The following GMPR variants were observed in gnomAD, a reference collection of about 807,000 sequenced individuals.
GMPR encodes the protein GMP reductase 1.
A neutral mutation model predicts 38.4 loss-of-function variants in GMPR; 31 were observed. That is an observed-to-expected ratio of 0.81 (90% CI 0.61 to 1.09). GMPR has a LOEUF of 1.09. Ranked by LOEUF, GMPR falls within the 50% of genes least tolerant of loss-of-function variation. The pLI is 0.00. For missense variants in GMPR, 468 were observed against 453.7 expected (o/e 1.03, Z -0.29); for synonymous variants, 162 against 173.3 (o/e 0.93, Z 0.51).
chr6:16,240,646 T>C (rs1758630070), intron 1 of GMPR, among the ~76,000 whole-genome samples: 1 of 152,192 alleles, frequency 6.6e-6, no homozygotes, highest in Non-Finnish European at 1.5e-5. Context: ...ATGAAATTTA[T>C]GTAATAGAAT....
chr6:16,274,346 T>G (rs1278666627), intron 4 of GMPR, 69 bp from the exon 5 acceptor site: 1 of 962,004 alleles, frequency 1.0e-6, no homozygotes, highest in Non-Finnish European at 1.7e-6. Context: ...CGTGTTCAGG[T>G]GTGGGGTTCC....
intron 3 of GMPR, among the ~76,000 whole-genome samples, chr6:16,251,298 C>T (rs956914858): frequency 3.3e-5 from 5 of 152,296 alleles, no homozygotes; most frequent in Non-Finnish European, 5.9e-5. Context: ...CAGCCCGGCG[C>T]GGTGGCTCAC....
intron 2 of GMPR, among the ~76,000 whole-genome samples, chr6:16,249,607 G>A (rs1017919632): frequency 6.6e-6 from 1 of 152,214 alleles, no homozygotes; most frequent in African/African-American, 2.4e-5. Context: ...ACAGGCGTAA[G>A]CCACCATGCC....
chr6:16,285,856 A>AGAGGGAGGGAAGGAAG (rs753776831), intron 7 of GMPR, 21 bp downstream of exon 7: 6 of 1,595,946 alleles, frequency 3.8e-6, no homozygotes, highest in African/African-American at 1.3e-5. Flanking sequence ...GCCCTGGTGC[A>AGAGGGAGGGAAGGAAG]GAGGGAGGGA....
chr6:16,245,222 C>T (rs146026556), intron 1 of GMPR, among the ~76,000 whole-genome samples: 3 of 152,230 alleles, frequency 2.0e-5, no homozygotes, highest in East Asian at 3.9e-4. Context: ...CGTGCCACTG[C>T]GTAGGTTCGT....
rs569594520 is a variant in GMPR at position 16,284,374 on chromosome 6, A to G, written c.655-1419A>G. ...GGGTCATCCCATTTCCCTGCTCTCC[A>G]ACTCCAGAGGTGTGTGCACTTTCCT... is the stretch of plus-strand genomic sequence containing the variant. On this transcript the variant is annotated intron_variant, in intron 6 of 8. Coordinates refer to ENST00000259727, the MANE Select transcript of GMPR (RefSeq NM_006877.4). 7.2e-5 allele frequency among the ~76,000 whole-genome samples: 11 copies of G among 152,290 alleles called. No homozygotes were observed. The East Asian group carries it at 1.5e-3, about 21-fold the overall frequency.
At chr6:16,278,763 A>C in intron 5 of GMPR, 21 bp from the exon 6 acceptor site, 1 of 1,544,942 alleles carries the variant, frequency 6.5e-7, no homozygotes, top group Middle Eastern at 1.7e-4. Context: ...CTATTTGGGG[A>C]CAACTTCTTT....
At chr6:16,285,329 C>T (rs996524334) in intron 6 of GMPR, among the ~76,000 whole-genome samples, 25 of 152,240 alleles carry the variant, frequency 1.6e-4, no homozygotes, top group Non-Finnish European at 4.4e-5. Flanking sequence ...TTTCTTGGCT[C>T]TTACAAGAAT....
At chr6:16,277,875 T>C (rs1322306825) in intron 5 of GMPR, among the ~76,000 whole-genome samples, 1 of 151,868 alleles carries the variant, frequency 6.6e-6, no homozygotes, top group African/African-American at 2.4e-5. Context: ...ACTTGCCCCA[T>C]TGGAGAAGCA....
rs138049304 is a variant in GMPR, at chr6:16,254,756, C to T, written c.465+21C>T. 328 of 1,573,366 alleles carry T rather than the reference C, an allele frequency of 2.1e-4. 2 individuals carry two copies. In the East Asian group the frequency reaches 6.8e-3, roughly 32 times the overall value. On this transcript the variant is annotated intron_variant, in intron 4 of 8. Coordinates refer to ENST00000259727, the MANE Select transcript of GMPR (RefSeq NM_006877.4). ...TTATGGTAAGTACGGTAGAACATTA[C>T]GGTAGAACATTCTCAAGATGGGGAA...
At chr6:16,250,160 C>T (rs1581647715) in intron 2 of GMPR, 124 bp from the exon 3 acceptor site, 1 of 695,302 alleles carries the variant, frequency 1.4e-6, no homozygotes. Context: ...ACATTCAAAG[C>T]AAATTAAGCA....
chr6:16,266,502 C>T (rs1032827572), intron 4 of GMPR, among the ~76,000 whole-genome samples: 14 of 149,402 alleles, frequency 9.4e-5, no homozygotes, highest in Non-Finnish European at 1.8e-4. Flanking sequence ...CGACGTGCCA[C>T]CTTTAAGAGC....
At chr6:16,272,700 T>C (rs1249347472) in intron 4 of GMPR, among the ~76,000 whole-genome samples, 2 of 152,256 alleles carry the variant, frequency 1.3e-5, no homozygotes, top group Non-Finnish European at 2.9e-5. Flanking sequence ...GTTTTTCTTA[T>C]AGGTTTGTAA....
At chr6:16,266,283 TC>T (rs1028445990) in intron 4 of GMPR, among the ~76,000 whole-genome samples, 6 of 151,570 alleles carry the variant, frequency 4.0e-5, no homozygotes, top group Non-Finnish European at 8.8e-5. Flanking sequence ...GAGGCTTCAT[TC>T]CTGAAGTCAG....
intron 1 of GMPR, among the ~76,000 whole-genome samples, chr6:16,243,516 A>AGTTT (rs1758692991): frequency 6.6e-6 from 1 of 152,194 alleles, no homozygotes; most frequent in African/African-American, 2.4e-5. Flanking sequence ...GCCAGCCATT[A>AGTTT]GTTTACCCCA....
chr6:16,255,122 G>A (rs1758949356), intron 4 of GMPR, among the ~76,000 whole-genome samples: 1 of 151,006 alleles, frequency 6.6e-6, no homozygotes, highest in South Asian at 2.1e-4. Flanking sequence ...AAAGATTCTT[G>A]TACCTCAGCC....
chr6:16,290,359 C>A (rs970767344), intron 7 of GMPR, 103 bp from the exon 8 acceptor site: 2 of 974,400 alleles, frequency 2.1e-6, no homozygotes, highest in Non-Finnish European at 1.6e-6. Flanking sequence ...TATAGCTGGG[C>A]GGGGAGGGAG....
intron 4 of GMPR, among the ~76,000 whole-genome samples, chr6:16,270,076 A>G (rs544767132): frequency 1.1e-3 from 163 of 152,364 alleles, no homozygotes; most frequent in African/African-American, 3.9e-3. Flanking sequence ...AAAGATTTCA[A>G]CACTTTAATT....
chr6:16,254,897 G>A (rs1333945374), intron 4 of GMPR, among the ~76,000 whole-genome samples, 162 bp downstream of exon 4: 1 of 152,034 alleles, frequency 6.6e-6, no homozygotes, highest in Non-Finnish European at 1.5e-5. Flanking sequence ...TAGCCGCTGC[G>A]GAAGATCTGA....
Sources: allele counts gnomAD v4.1 joint callset (sites outside exome capture counted in the v4.1 genomes callset), GRCh38; gene constraint gnomAD v4.1.1; transcripts MANE v1.5; gene names NCBI Gene and HGNC (gene_info 2026-07-23, HGNC 2026-07-21).